The following IGSF8 variants were observed in gnomAD, a reference collection of about 807,000 sequenced individuals.
IGSF8 encodes the protein immunoglobulin superfamily member 8.
A neutral mutation model predicts 55.5 loss-of-function variants in IGSF8; 46 were observed. The ratio of observed to expected loss-of-function variants is 0.83; its 90% CI spans 0.65 to 1.06. The LOEUF is 1.06. Ranked by LOEUF, IGSF8 falls within the 50% of genes least tolerant of loss-of-function variation. The pLI is 0.00. For missense variants in IGSF8, 731 were observed against 832.3 expected (o/e 0.88, Z 1.50); for synonymous variants, 314 against 356.1 (o/e 0.88, Z 1.33).
chr1:160,092,400 G>A lies in IGSF8; in HGVS notation c.1608C>T (p.Pro536=), dbSNP rs117493539. 737 of 1,609,920 alleles carry A rather than the reference G, an allele frequency of 4.6e-4. 5 individuals are homozygous for A. The East Asian group carries it at 0.012, about 26-fold the overall frequency. Residue 536 remains proline (P), a synonymous_variant, in exon 5 of 7, where the codon CCC becomes CCT. Coordinates refer to ENST00000314485, the MANE Select transcript of IGSF8 (RefSeq NM_052868.6). ...SHRLRLHSLG[P]EDEGVYHCAP... is the part of the protein sequence containing the mutation. ...CACAGTGGTACACGCCTTCATCCTC[G>A]GGCCCCAAGCTGTGTAGTCTCAGCC... is the stretch of plus-strand genomic sequence containing the variant.
At chr1:160,093,437 C>T in intron 3 of IGSF8, 106 bp from the exon 4 acceptor site, 1 of 1,116,656 alleles carries the variant, frequency 9.0e-7, no homozygotes, top group Non-Finnish European at 1.3e-6. Context: ...ACTTCAAAAC[C>T]TCCTGTCTCC....
chr1:160,091,788 G>A lies in IGSF8; in HGVS notation c.*15+20C>T. 1.4e-6 allele frequency: 2 copies of A among 1,473,046 alleles called. No homozygotes were observed. Among genetic ancestry groups the A allele is most frequent in the African/African-American group, 1.4e-5 (1 of 72,252 alleles). The allele number at this position is 1,473,046 out of a possible 1,614,324, so 91.2% of individuals were successfully genotyped here. A position where few individuals can be genotyped will look rare whatever the true frequency, so the allele number is the denominator to read the frequency against. On this transcript the variant is annotated intron_variant, in intron 6 of 6. Transcript: ENST00000314485. ...TGGGAAGCCCAATGAAAACAAGGTT[G>A]GGGGGTTCTTTTCCCTCACCTGGGG...
chr1:160,094,786 G>A lies in IGSF8; in HGVS notation c.442+83C>T. ...CAAGTTCCTTGGCTACAAAACCTAA[G>A]GGGCAACTAGATAGGTCACTTGTGG... On this transcript the variant is annotated intron_variant, in intron 2 of 6. Transcript: ENST00000314485. This position sits in a 1 kb window ranked among gnomAD's most constrained non-coding sequence, Gnocchi z 4.0. The A allele has an allele frequency of 6.9e-7, 1 of 1,447,228 alleles. No individual in the cohort carries two copies. The highest frequency in any genetic ancestry group is 9.3e-7 in the Non-Finnish European group (1 of 1,070,524). The allele number at this position is 1,447,228 out of a possible 1,614,324, so 89.6% of individuals were successfully genotyped here. A position where few individuals can be genotyped will look rare whatever the true frequency, so the allele number is the denominator to read the frequency against.
intron 1 of IGSF8, chr1:160,097,693 C>A: frequency 3.0e-6 from 3 of 985,436 alleles, no homozygotes; most frequent in Non-Finnish European, 3.6e-6. Flanking sequence ...GCCCAGAACA[C>A]CCCACCATGA....
chr1:160,092,279 C>A lies in IGSF8; in HGVS notation c.1726+3G>T, dbSNP rs762737258. ...TGAGGAGGGTGGAGGGGGTGTCACT[C>A]ACCATGCATGTAGGGGTAGACTGTA... On this transcript the variant is annotated splice_donor_region_variant and intron_variant, in intron 5 of 6. Coordinates refer to ENST00000314485, the MANE Select transcript of IGSF8 (RefSeq NM_052868.6). 2 of 1,613,608 alleles carry A rather than the reference C, an allele frequency of 1.2e-6. No individual in the cohort carries two copies. The highest frequency in any genetic ancestry group is 1.7e-6 in the Non-Finnish European group (2 of 1,179,564).
intron 3 of IGSF8, 130 bp from the exon 4 acceptor site, chr1:160,093,461 T>C: frequency 1.1e-6 from 1 of 907,548 alleles, no homozygotes; most frequent in South Asian, 1.8e-5. Flanking sequence ...TCACTAGGTA[T>C]GACCATCTTT....
chr1:160,091,567 G>A lies in IGSF8; in HGVS notation c.*57C>T, dbSNP rs1649953179. The A allele has an allele frequency of 6.3e-6, 3 of 478,448 alleles. No homozygotes were observed. Among genetic ancestry groups the A allele is most frequent in the Admixed American group, 3.5e-5 (1 of 28,906 alleles). The allele number at this position is 478,448 out of a possible 1,614,324, so 29.6% of individuals were successfully genotyped here. A position where few individuals can be genotyped will look rare whatever the true frequency, so the allele number is the denominator to read the frequency against. On this transcript the variant is annotated 3_prime_UTR_variant, in exon 7 of 7. Transcript: ENST00000314485. The stretch of plus-strand genomic sequence containing the variant: ...AGAGGGTGTCCAGGCAACCAGAGGA[G>A]GGCTTGGAGCTGGGCCGGAAGACAG...
intron 1 of IGSF8, chr1:160,098,093 AT>A: frequency 1.6e-6 from 1 of 626,564 alleles, no homozygotes; most frequent in East Asian, 1.4e-4. Flanking sequence ...GAGTCGCAGC[AT>A]TTGGTGCAGC....
Position 160,091,558 on chromosome 1 carries a change from A to T in IGSF8, c.*66T>A. 1 of 451,422 alleles carries T rather than the reference A, an allele frequency of 2.2e-6. No individual in the cohort carries two copies. The highest frequency in any genetic ancestry group is 4.0e-6 in the Non-Finnish European group (1 of 246,982). 28.0% of individuals were successfully genotyped at this position (451,422 alleles called of 1,614,324 possible). A position where few individuals can be genotyped will look rare whatever the true frequency, so the allele number is the denominator to read the frequency against. ...GACAGAGGGAGAGGGTGTCCAGGCA[A>T]CCAGAGGAGGGCTTGGAGCTGGGCC... On this transcript the variant is annotated 3_prime_UTR_variant, in exon 7 of 7. Transcript: ENST00000314485.
At position 160,092,986 on chromosome 1, in the gene IGSF8, G is replaced by A. The variant is rs1051864400; in HGVS notation, c.1250C>T (p.Thr417Ile). Residue 417 changes from threonine to isoleucine, a missense_variant, in exon 4 of 7, where the codon ACC (threonine) becomes ATC (isoleucine). By Grantham distance (89) the Thr-to-Ile change is moderately conservative. Transcript: ENST00000314485. ...GGCACTGGCTGCTTCACGAAGCCGG[G>A]TCCCAGACCCTCGAACATAGGCTTT... ...LAKAYVRGSG[T>I]RLREAASARS... 6.2e-7 allele frequency: 1 copy of A among 1,613,610 alleles called. No homozygotes were observed. The highest frequency in any genetic ancestry group is 8.5e-7 in the Non-Finnish European group (1 of 1,179,650).
At chr1:160,093,442 G>T in intron 3 of IGSF8, 111 bp from the exon 4 acceptor site, 1 of 1,069,442 alleles carries the variant, frequency 9.4e-7, no homozygotes, top group Non-Finnish European at 1.4e-6. Context: ...AAAACCTCCT[G>T]TCTCCCCCTC....
At position 160,093,223 on chromosome 1, in the gene IGSF8, T is replaced by C. The variant is rs1650131791; in HGVS notation, c.1013A>G (p.His338Arg). Residue 338 changes from histidine to arginine, a missense_variant, in exon 4 of 7, where the codon CAT becomes CGT. Physicochemically the swap from His to Arg is conservative, Grantham distance 29. Transcript: ENST00000314485. ...CTCCCAACCTACAGAGTATGCAGCA[T>C]GACGGCCTGCTGGGGGAAGTGCCCC... ...VSGALPPAGR[H>R]AAYSVGWEMA... 1 of 1,613,986 alleles carries C rather than the reference T, an allele frequency of 6.2e-7. No homozygotes were observed. The highest frequency in any genetic ancestry group is 1.3e-5 in the African/African-American group (1 of 74,938).
At chr1:160,098,773 G>A, upstream of IGSF8, 1 of 215,228 alleles carries the variant, frequency 4.6e-6, no homozygotes, top group Non-Finnish European at 7.6e-6. Flanking sequence ...CCCCACCCCC[G>A]CCAGACTCCG....
rs1041624741 is a variant in IGSF8 at position 160,092,844 on chromosome 1, G to A, written c.1312+80C>T. 1.9e-4 allele frequency: 286 copies of A among 1,505,612 alleles called. 3 individuals carry two copies. The Admixed American group carries it at 4.6e-3, about 24-fold the overall frequency. The allele number at this position is 1,505,612 out of a possible 1,614,324, so 93.3% of individuals were successfully genotyped here. The stretch of plus-strand genomic sequence containing the variant: ...AGGCTGTGGCCTGCAAACAGCTGAC[G>A]GAGAGGGAGGGGTCATGGAAACAGA... On this transcript the variant is annotated intron_variant, in intron 4 of 6. Transcript: ENST00000314485.
rs766948736 is a variant in IGSF8, at chr1:160,092,370, G to A, written c.1638C>T (p.Pro546=). 6.2e-7 allele frequency: 1 copy of A among 1,613,682 alleles called. No homozygotes were observed. Among genetic ancestry groups the A allele is most frequent in the African/African-American group, 1.3e-5 (1 of 74,916 alleles). ...AGTCGGCATGCTGCACCCAGGCGCTGGGGGCACAGTGGTACACGCCTTCAT... is the reference window on the plus strand; with the variant it reads ...AGTCGGCATGCTGCACCCAGGCGCTAGGGGCACAGTGGTACACGCCTTCAT... ...PEDEGVYHCA[P]SAWVQHADYS... is the part of the protein sequence containing the mutation. Residue 546 remains proline, a synonymous_variant, in exon 5 of 7, where the codon CCC becomes CCT. Coordinates refer to ENST00000314485, the MANE Select transcript of IGSF8 (RefSeq NM_052868.6).
chr1:160,095,098 G>A lies in IGSF8; in HGVS notation c.213C>T (p.Ala71=). The A allele has an allele frequency of 6.2e-7, 1 of 1,614,106 alleles. No homozygotes were observed. Among genetic ancestry groups the A allele is most frequent in the East Asian group, 2.2e-5 (1 of 44,886 alleles). ...TGACAATGCCCAGTGCAGTATCTGG[G>A]GCCTCGGGCCTATACAGGAACCACT... ...NFEWFLYRPE[A]PDTALGIVST... The change falls in exon 2 of 7, where the codon GCC becomes GCT. Residue 71 remains alanine (A), a synonymous_variant. Coordinates refer to ENST00000314485, the MANE Select transcript of IGSF8 (RefSeq NM_052868.6).
Position 160,091,500 on chromosome 1 carries a change from T to G in IGSF8, c.*124A>C. On this transcript the variant is annotated 3_prime_UTR_variant, in exon 7 of 7. Coordinates refer to ENST00000314485, the MANE Select transcript of IGSF8 (RefSeq NM_052868.6). ...GGGGAGGCACGTCTCCCATTCTGGG[T>G]AGTGGGAGGTCAAATAAATTAAAGG... The G allele has an allele frequency of 3.3e-6, 1 of 307,426 alleles. No homozygotes were observed. 19.0% of individuals were successfully genotyped at this position (307,426 alleles called of 1,614,324 possible). A position where few individuals can be genotyped will look rare whatever the true frequency, so the allele number is the denominator to read the frequency against.
chr1:160,093,019 C>T lies in IGSF8; in HGVS notation c.1217G>A (p.Cys406Tyr). 1 of 1,614,160 alleles carries T rather than the reference C, an allele frequency of 6.2e-7. No individual in the cohort carries two copies. The highest frequency in any genetic ancestry group is 1.1e-5 in the South Asian group (1 of 91,090). Reference sequence around the variant, plus strand: ...CCCTCGAACATAGGCTTTGGCGAGGCAGCGGTAGGTGCCCGCATCACCAGG... The same window carrying T: ...CCCTCGAACATAGGCTTTGGCGAGGTAGCGGTAGGTGCCCGCATCACCAGG... ...ARPGDAGTYRCLAKAYVRGSG... is the reference protein window; with the variant it reads ...ARPGDAGTYRYLAKAYVRGSG... The change falls in exon 4 of 7, where the codon TGC (cysteine) becomes TAC (tyrosine). Residue 406 changes from cysteine to tyrosine, a missense_variant. Physicochemically the swap from Cys to Tyr is radical, Grantham distance 194. Coordinates refer to ENST00000314485, the MANE Select transcript of IGSF8 (RefSeq NM_052868.6).
Position 160,092,270 on chromosome 1 carries a change from G to A in IGSF8, c.1726+12C>T, listed in dbSNP as rs368585496. ...AAGGCAGAGTGAGGAGGGTGGAGGGGGTGTCACTCACCATGCATGTAGGGG... is the reference window on the plus strand; with the variant it reads ...AAGGCAGAGTGAGGAGGGTGGAGGGAGTGTCACTCACCATGCATGTAGGGG... On this transcript the variant is annotated intron_variant, in intron 5 of 6. Coordinates refer to ENST00000314485, the MANE Select transcript of IGSF8 (RefSeq NM_052868.6). 1.2e-5 allele frequency: 19 copies of A among 1,612,660 alleles called. No individual in the cohort carries two copies. In the African/African-American group the frequency reaches 1.9e-4, roughly 16 times the overall value.
Sources: gnomAD v4.1 joint callset for allele counts on GRCh38, gnomAD v4.1.1 for gene constraint, Gnocchi (gnomAD v3.1) non-coding constraint, MANE v1.5 for transcripts, NCBI Gene and HGNC (gene_info 2026-07-23, HGNC 2026-07-21) for gene names.